GABRR1: variants seen among roughly 807,000 people sequenced by gnomAD.
The protein encoded by GABRR1 is gamma-aminobutyric acid receptor subunit rho-1.
Under a neutral mutation model 55.5 loss-of-function variants are expected in GABRR1, and 59 were observed. That is an observed-to-expected ratio of 1.06 (90% CI 0.86 to 1.32). The LOEUF (loss-of-function observed/expected upper bound fraction) is 1.32, where lower values mean the gene tolerates loss of function less well. Among genes scored for constraint, GABRR1 ranks in the 40% most tolerant of loss-of-function variants. GABRR1 has a pLI of 0.00. For synonymous variants in GABRR1, 213 were observed against 226.0 expected (o/e 0.94, Z 0.51); for missense variants, 602 against 619.1 (o/e 0.97, Z 0.29).
intron 2 of GABRR1, 62 bp downstream of exon 2, chr6:89,203,373 C>G: frequency 2.1e-6 from 3 of 1,432,028 alleles, no homozygotes; most frequent in Middle Eastern, 1.7e-4. Flanking sequence ...CTGAAAATCA[C>G]TACAGTTGAG....
chr6:89,203,655 T>C (rs1056324624), intron 1 of GABRR1, among the ~76,000 whole-genome samples, 170 bp from the exon 2 acceptor site: 1 of 152,192 alleles, frequency 6.6e-6, no homozygotes, highest in Non-Finnish European at 1.5e-5. Context: ...TGTTGAGCAT[T>C]TTCCAAGTAC....
chr6:89,223,512 G>C (rs1415941720), intron 1 of GABRR1, among the ~76,000 whole-genome samples: 1 of 152,118 alleles, frequency 6.6e-6, no homozygotes, highest in Non-Finnish European at 1.5e-5. Context: ...ATAAACATGC[G>C]TGTACAAGTG....
At chr6:89,226,165 G>A (rs1773200220) in intron 1 of GABRR1, among the ~76,000 whole-genome samples, 2 of 151,656 alleles carry the variant, frequency 1.3e-5, no homozygotes, top group African/African-American at 4.9e-5. Context: ...CTGGATATTA[G>A]CCTTTTGTCA....
At chr6:89,206,866 C>A (rs1198669668) in intron 1 of GABRR1, among the ~76,000 whole-genome samples, 1 of 152,170 alleles carries the variant, frequency 6.6e-6, no homozygotes, top group African/African-American at 2.4e-5. Context: ...GATCCTCCCG[C>A]TTCAAACTCA....
intron 7 of GABRR1, among the ~76,000 whole-genome samples, chr6:89,185,096 G>T (rs1771860125): frequency 6.6e-6 from 1 of 152,018 alleles, no homozygotes; most frequent in Non-Finnish European, 1.5e-5. Context: ...TGTTGGCCAG[G>T]CTTGTCTTGA....
chr6:89,187,695 T>A lies in GABRR1; in HGVS notation c.656-2245A>T, dbSNP rs568822237. Among the ~76,000 whole-genome samples the A allele has an allele frequency of 7.2e-4, 110 of 152,342 alleles. 4 individuals are homozygous for A. The highest frequency in any genetic ancestry group is 1.0e-3 in the South Asian group (5 of 4,824). On this transcript the variant is annotated intron_variant, in intron 6 of 9. Coordinates refer to ENST00000454853, the MANE Select transcript of GABRR1 (RefSeq NM_002042.5). Reference sequence around the variant, plus strand: ...TCTCTATAATTTTGACTACGCTAAGTACCTCTTAAAAGTGACATCATACAG... The same window carrying A: ...TCTCTATAATTTTGACTACGCTAAGAACCTCTTAAAAGTGACATCATACAG...
chr6:89,214,524 A>G (rs1259429700), intron 1 of GABRR1, among the ~76,000 whole-genome samples: 1 of 152,148 alleles, frequency 6.6e-6, no homozygotes, highest in African/African-American at 2.4e-5. Flanking sequence ...TTCATATCTA[A>G]AATATATAAG....
At chr6:89,207,653 C>A (rs1399312362) in intron 1 of GABRR1, among the ~76,000 whole-genome samples, 1 of 152,108 alleles carries the variant, frequency 6.6e-6, no homozygotes, top group Non-Finnish European at 1.5e-5. Flanking sequence ...TAGCACACAA[C>A]CATCTAATGC....
chr6:89,224,985 G>T (rs1773175319), intron 1 of GABRR1, among the ~76,000 whole-genome samples: 2 of 152,148 alleles, frequency 1.3e-5, no homozygotes, highest in South Asian at 4.1e-4. Flanking sequence ...GTTTCACCAT[G>T]TCGGCCAGGC....
chr6:89,183,583 A>T (rs924944878), intron 7 of GABRR1, among the ~76,000 whole-genome samples: 1 of 152,204 alleles, frequency 6.6e-6, no homozygotes, highest in African/African-American at 2.4e-5. Flanking sequence ...CACAATTCAC[A>T]ATTGCAAAGA....
upstream of GABRR1, among the ~76,000 whole-genome samples, chr6:89,218,604 A>G (rs1773061613): frequency 6.6e-6 from 1 of 152,262 alleles, no homozygotes; most frequent in Non-Finnish European, 1.5e-5. Context: ...GCATAGGTTT[A>G]GTAAGAATCT....
At chr6:89,217,165 T>G (rs757512045) in intron 1 of GABRR1, 36 bp downstream of exon 1, 14 of 1,608,424 alleles carry the variant, frequency 8.7e-6, no homozygotes, top group Non-Finnish European at 1.2e-5. Flanking sequence ...GTGCATCCTC[T>G]TTTCCTAAAT....
intron 3 of GABRR1, 61 bp downstream of exon 3, chr6:89,201,098 T>C (rs1014896667): frequency 1.5e-5 from 20 of 1,300,224 alleles, no homozygotes; most frequent in Non-Finnish European, 2.1e-5. Context: ...CTTGGCTAAT[T>C]TCCTGCCCAC....
intron 5 of GABRR1, among the ~76,000 whole-genome samples, chr6:89,192,145 C>G (rs555589563): frequency 6.6e-6 from 1 of 152,076 alleles, no homozygotes; most frequent in Non-Finnish European, 1.5e-5. Context: ...GGGAGGTGGG[C>G]GCAGGGCAGT....
At chr6:89,187,615 C>G (rs1207378678) in intron 6 of GABRR1, among the ~76,000 whole-genome samples, 1 of 152,152 alleles carries the variant, frequency 6.6e-6, no homozygotes, top group Non-Finnish European at 1.5e-5. Flanking sequence ...AACAATAACG[C>G]CTCATCCCTG....
At chr6:89,205,290 A>G (rs945484084) in intron 1 of GABRR1, among the ~76,000 whole-genome samples, 1 of 152,228 alleles carries the variant, frequency 6.6e-6, no homozygotes, top group Admixed American at 6.5e-5. Context: ...TTTGCCTCCC[A>G]CTGCCAGGAA....
chr6:89,224,199 C>T (rs1209448299), intron 1 of GABRR1, among the ~76,000 whole-genome samples: 1 of 152,172 alleles, frequency 6.6e-6, no homozygotes, highest in African/African-American at 2.4e-5. Flanking sequence ...AGCGATTCTC[C>T]TACCTCAGCC....
upstream of GABRR1, among the ~76,000 whole-genome samples, chr6:89,218,915 C>CACTATAGGTAAATTCACTCAAATCTAT (rs1168443969): frequency 5.6e-4 from 86 of 152,320 alleles, no homozygotes; most frequent in African/African-American, 1.8e-3. Flanking sequence ...ATAGGTACTG[C>CACTATAGGTAAATTCACTCAAATCTAT]AGGTAAAATT....
chr6:89,183,825 G>A (rs909855809), intron 7 of GABRR1, among the ~76,000 whole-genome samples: 1 of 152,114 alleles, frequency 6.6e-6, no homozygotes, highest in Non-Finnish European at 1.5e-5. Flanking sequence ...AAACACAAAG[G>A]CATACAGAGT....
Sources: gnomAD v4.1 joint callset for allele counts (sites outside exome capture counted in the v4.1 genomes callset) on GRCh38, gnomAD v4.1.1 for gene constraint, MANE v1.5 for transcripts, NCBI Gene and HGNC (gene_info 2026-07-23, HGNC 2026-07-21) for gene names.